CAMTA1: variants seen among roughly 807,000 people sequenced by gnomAD.
The protein encoded by CAMTA1 is calmodulin-binding transcription activator 1.
A neutral mutation model predicts 170.9 loss-of-function variants in CAMTA1; 27 were observed. The observed-to-expected ratio is 0.16, with a 90% confidence interval of 0.12 to 0.22. The LOEUF is 0.22. Ranked by LOEUF, CAMTA1 falls within the 10% of genes least tolerant of loss-of-function variation. The pLI, the probability that CAMTA1 is intolerant of heterozygous loss-of-function variation, is 1.00. For synonymous variants in CAMTA1, 833 were observed against 891.5 expected (o/e 0.93, Z 1.17); for missense variants, 1,619 against 2,217.2 (o/e 0.73, Z 5.42).
At chr1:7,758,758 A>G (rs1577473535) in intron 22 of CAMTA1, among the ~76,000 whole-genome samples, 1 of 151,876 alleles carries the variant, frequency 6.6e-6, no homozygotes, top group African/African-American at 2.4e-5. Flanking sequence ...ACATGGTGAA[A>G]CCCCGTCTCT....
chr1:7,224,821 T>TC lies in CAMTA1; in HGVS notation c.303-24668dup, dbSNP rs150266170. Among the ~76,000 whole-genome samples, 23,004 of 152,104 alleles carry TC rather than the reference T, an allele frequency of 0.15. 5,096 individuals are homozygous for TC. Among genetic ancestry groups the TC allele is most frequent in the African/African-American group, 0.49 (20,234 of 41,436 alleles). Reference sequence around the variant, plus strand: ...TAGCTGCTCCATGTCGTCTGGATGGTCCGTTGGCACCCTGCCCACCGCACT... The same window carrying TC: ...TAGCTGCTCCATGTCGTCTGGATGGTCCCGTTGGCACCCTGCCCACCGCACT... On this transcript the variant is annotated intron_variant, in intron 4 of 22. Transcript: ENST00000303635. This position sits in a 1 kb window ranked among gnomAD's most constrained non-coding sequence, Gnocchi z 5.2.
chr1:7,284,177 CTTATTATTATTATTATTATTATTA>C (rs537622620), intron 5 of CAMTA1, among the ~76,000 whole-genome samples: 4 of 99,308 alleles, frequency 4.0e-5, no homozygotes, highest in African/African-American at 1.6e-4. Context: ...TCTTCTTCTT[CTTATTATTATTATTATTATTATTA>C]TTATTATTAT....
At chr1:7,018,976 G>A (rs1227913463) in intron 3 of CAMTA1, among the ~76,000 whole-genome samples, 1 of 152,184 alleles carries the variant, frequency 6.6e-6, no homozygotes, top group Non-Finnish European at 1.5e-5. Context: ...CACCCTCCTG[G>A]CTGCAGGGTG....
At chr1:7,030,157 G>A (rs766571276) in intron 3 of CAMTA1, among the ~76,000 whole-genome samples, 4 of 152,134 alleles carry the variant, frequency 2.6e-5, no homozygotes, top group Admixed American at 1.3e-4. Flanking sequence ...TAGTTGCAGC[G>A]CAGAATCTGA....
intron 1 of CAMTA1, among the ~76,000 whole-genome samples, chr1:6,794,896 T>TTG (rs1553146259): frequency 2.7e-5 from 4 of 150,808 alleles, no homozygotes; most frequent in East Asian, 2.0e-4. Context: ...TTTTGTTTTT[T>TTG]TTGTTTTTTT....
intron 5 of CAMTA1, among the ~76,000 whole-genome samples, chr1:7,438,696 C>T (rs796400709): frequency 2.0e-5 from 3 of 152,294 alleles, no homozygotes; most frequent in African/African-American, 7.2e-5. Context: ...TGGAAGCAGG[C>T]AGAGGGGGTC....
intron 3 of CAMTA1, among the ~76,000 whole-genome samples, chr1:6,892,817 T>C (rs1210290457): frequency 6.6e-6 from 1 of 152,032 alleles, no homozygotes; most frequent in Non-Finnish European, 1.5e-5. Flanking sequence ...GGCAGCTAGT[T>C]CTAGACTATG....
intron 3 of CAMTA1, among the ~76,000 whole-genome samples, chr1:6,999,247 C>A (rs1572337169): frequency 6.6e-6 from 1 of 152,054 alleles, no homozygotes; most frequent in African/African-American, 2.4e-5. Flanking sequence ...CTTTGTGTTA[C>A]GTTGTTCTTG....
At chr1:7,259,953 G>A (rs1337773398) in intron 5 of CAMTA1, among the ~76,000 whole-genome samples, 1 of 152,138 alleles carries the variant, frequency 6.6e-6, no homozygotes, top group Non-Finnish European at 1.5e-5. Flanking sequence ...GAGTACCTTT[G>A]GTGCCAAATA....
chr1:6,862,238 GCTAGGATTGC>G (rs1664983794), intron 3 of CAMTA1, among the ~76,000 whole-genome samples: 1 of 152,214 alleles, frequency 6.6e-6, no homozygotes, highest in South Asian at 2.1e-4. Context: ...CTCCCAAAGT[GCTAGGATTGC>G]AGGCGTGAGC....
chr1:7,299,925 G>A lies in CAMTA1; in HGVS notation c.438+50299G>A, dbSNP rs1250522411. Among the ~76,000 whole-genome samples, 1 of 152,162 alleles carries A rather than the reference G, an allele frequency of 6.6e-6. No homozygotes were observed. Among genetic ancestry groups the A allele is most frequent in the African/African-American group, 2.4e-5 (1 of 41,424 alleles). ...CTTAGAAGGGGCCCGTGCAACCAGA[G>A]GTGCCCCGAAAGCTTAAGTGTCATT... On this transcript the variant is annotated intron_variant, in intron 5 of 22. Coordinates refer to ENST00000303635, the MANE Select transcript of CAMTA1 (RefSeq NM_015215.4). This position sits in a 1 kb window ranked among gnomAD's most constrained non-coding sequence, Gnocchi z 4.7.
At chr1:7,043,347 G>A (rs1376175673) in intron 3 of CAMTA1, among the ~76,000 whole-genome samples, 1 of 135,492 alleles carries the variant, frequency 7.4e-6, no homozygotes, top group Non-Finnish European at 1.6e-5. Context: ...TTCTGTGTGT[G>A]CACTTGAGTG....
At chr1:7,315,802 G>T (rs1677399275) in intron 5 of CAMTA1, among the ~76,000 whole-genome samples, 1 of 152,164 alleles carries the variant, frequency 6.6e-6, no homozygotes, top group Non-Finnish European at 1.5e-5. Context: ...TTGGCTTATA[G>T]ATGCGTCACT....
rs1436254630 is a variant in CAMTA1 at position 7,665,925 on chromosome 1, TG to T, written c.2652+729del. On this transcript the variant is annotated intron_variant, in intron 9 of 22. Coordinates refer to ENST00000303635, the MANE Select transcript of CAMTA1 (RefSeq NM_015215.4). This position sits in a 1 kb window ranked among gnomAD's most constrained non-coding sequence, Gnocchi z 4.3. ...GCTCATGCCCATAATCCCAGCACTT[TG>T]GGAGGCCAAGGTGGGTGGATCACCT... Among the ~76,000 whole-genome samples the T allele has an allele frequency of 6.6e-6, 1 of 152,164 alleles. No individual in the cohort carries two copies. The highest frequency in any genetic ancestry group is 1.5e-5 in the Non-Finnish European group (1 of 68,016).
chr1:7,416,454 C>T lies in CAMTA1; in HGVS notation c.439-51376C>T, dbSNP rs564570995. Among the ~76,000 whole-genome samples, 7 of 152,220 alleles carry T rather than the reference C, an allele frequency of 4.6e-5. No individual in the cohort carries two copies. The East Asian group carries it at 1.2e-3, about 25-fold the overall frequency. On this transcript the variant is annotated intron_variant, in intron 5 of 22. Coordinates refer to ENST00000303635, the MANE Select transcript of CAMTA1 (RefSeq NM_015215.4). ...TCTTATATTTCTTGGAGACTTTTTTCGTTTCTTTTTATTCTTTTTTCTCTA... is the reference window on the plus strand; with the variant it reads ...TCTTATATTTCTTGGAGACTTTTTTTGTTTCTTTTTATTCTTTTTTCTCTA...
intron 3 of CAMTA1, among the ~76,000 whole-genome samples, chr1:6,829,493 A>G (rs1648811029): frequency 6.6e-6 from 1 of 152,222 alleles, no homozygotes; most frequent in South Asian, 2.1e-4. Flanking sequence ...TCAGGTGGTA[A>G]AGATGACACA....
At chr1:6,917,328 G>A (rs528680447) in intron 3 of CAMTA1, among the ~76,000 whole-genome samples, 85 of 152,126 alleles carry the variant, frequency 5.6e-4, no homozygotes, top group Non-Finnish European at 8.8e-4. Context: ...TGGTTTAAAT[G>A]AAGTGCCGTG....
intron 3 of CAMTA1, among the ~76,000 whole-genome samples, chr1:7,052,002 C>T (rs1166833997): frequency 6.7e-6 from 1 of 149,362 alleles, no homozygotes; most frequent in African/African-American, 2.5e-5. Context: ...CGTGGGGACA[C>T]TGCTGCCCTT....
intron 4 of CAMTA1, among the ~76,000 whole-genome samples, chr1:7,242,146 A>G (rs372245546): frequency 6.6e-6 from 1 of 152,240 alleles, no homozygotes; most frequent in Non-Finnish European, 1.5e-5. Context: ...CAAGAGATTC[A>G]AATAGATTCA....
Sources: gnomAD v4.1 joint callset for allele counts (sites outside exome capture counted in the v4.1 genomes callset) on GRCh38, gnomAD v4.1.1 for gene constraint, Gnocchi (gnomAD v3.1) non-coding constraint, MANE v1.5 for transcripts, NCBI Gene and HGNC (gene_info 2026-07-23, HGNC 2026-07-21) for gene names.